The following ACADM variants were observed in gnomAD, a reference collection of about 807,000 sequenced individuals.
ACADM encodes the protein medium-chain specific acyl-CoA dehydrogenase, mitochondrial.
A neutral mutation model predicts 58.9 loss-of-function variants in ACADM; 49 were observed. That is an observed-to-expected ratio of 0.83 (90% CI 0.66 to 1.06). ACADM has a LOEUF of 1.06. Among genes scored for constraint, ACADM ranks in the 50% least tolerant of loss-of-function variants. ACADM has a pLI of 0.00. For synonymous variants in ACADM, 160 were observed against 157.7 expected, an observed-to-expected ratio of 1.01 and a Z score of -0.11; for missense variants, 496 against 507.0, an observed-to-expected ratio of 0.98 and a Z score of 0.21.
At chr1:75,731,118 CA>C (rs910972306) in intron 2 of ACADM, among the ~76,000 whole-genome samples, 50 of 143,468 alleles carry the variant, frequency 3.5e-4, no homozygotes, top group Admixed American at 4.2e-4. Flanking sequence ...ACTAAAAATA[CA>C]AAAAAAAAAA....
rs561277641 is a variant in ACADM at position 75,740,592 on chromosome 1, T to C, written c.599+482T>C. On this transcript the variant is annotated intron_variant, in intron 7 of 11. Coordinates refer to ENST00000370841, the MANE Select transcript of ACADM (RefSeq NM_000016.6). ...AATTTTCTAATATATGGTCAAAAAA[T>C]ATGAAGTTCAACAAAGGATCAAAAA... Among the ~76,000 whole-genome samples the C allele has an allele frequency of 1.7e-4, 26 of 152,054 alleles. 1 individual carries two copies. The South Asian group carries it at 4.2e-3, about 24-fold the overall frequency.
chr1:75,733,652 A>G (rs1378574085), intron 5 of ACADM, 24 bp downstream of exon 5: 3 of 1,551,756 alleles, frequency 1.9e-6, no homozygotes, highest in Non-Finnish European at 2.7e-6. Flanking sequence ...AAAATTAACT[A>G]CCTAACTCAG....
At chr1:75,748,613 T>A (rs1023258796) in intron 8 of ACADM, among the ~76,000 whole-genome samples, 23 of 152,116 alleles carry the variant, frequency 1.5e-4, no homozygotes, top group Non-Finnish European at 3.4e-4. Context: ...AAGTGAAAAG[T>A]CAGACACAGA....
chr1:75,724,950 G>A (rs1647025103), intron 1 of ACADM, 133 bp downstream of exon 1: 4 of 863,012 alleles, frequency 4.6e-6, no homozygotes, highest in Non-Finnish European at 6.4e-6. Context: ...CAGCCTAGGG[G>A]CCCCCAACCT....
intron 11 of ACADM, 131 bp downstream of exon 11, chr1:75,761,501 C>A: frequency 1.0e-6 from 1 of 961,066 alleles, no homozygotes; most frequent in South Asian, 1.4e-5. Context: ...GGCTGTGAGC[C>A]AGTTTTTGGA....
At chr1:75,744,321 C>T in intron 7 of ACADM, 1 of 1,613,330 alleles carries the variant, frequency 6.2e-7, no homozygotes, top group Non-Finnish European at 8.5e-7. Context: ...CCGGCTTGGC[C>T]TTAGCAGGAG....
At chr1:75,735,409 A>G (rs1647230133) in intron 6 of ACADM, among the ~76,000 whole-genome samples, 1 of 151,908 alleles carries the variant, frequency 6.6e-6, no homozygotes, top group Non-Finnish European at 1.5e-5. Context: ...TTGGGATGTC[A>G]AAAAGTGTCA....
At chr1:75,743,312 A>G (rs1647689911) in intron 7 of ACADM, 2 of 1,289,024 alleles carry the variant, frequency 1.6e-6, no homozygotes. Context: ...GCTTGAGGCC[A>G]ACAGCATGTG....
chr1:75,731,335 C>T (rs190212171), intron 2 of ACADM, among the ~76,000 whole-genome samples: 13 of 149,612 alleles, frequency 8.7e-5, no homozygotes, highest in South Asian at 4.3e-4. Context: ...TTCAATTCAG[C>T]ACCAGAATTC....
At position 75,754,215 on chromosome 1, in the gene ACADM, T is replaced by G. The variant is rs569088030; in HGVS notation, c.945+3669T>G. 2.5e-3 allele frequency among the ~76,000 whole-genome samples: 380 copies of G among 150,186 alleles called. 3 individuals are homozygous for G. The highest frequency in any genetic ancestry group is 8.9e-3 in the African/African-American group (363 of 40,984). On this transcript the variant is annotated intron_variant, in intron 10 of 11. Coordinates refer to ENST00000370841, the MANE Select transcript of ACADM (RefSeq NM_000016.6). ...TTTGAAACTTCAGTTTTTTGTTTTT[T>G]TTTTTTTTTTGAGACGGAGTCTTAC...
chr1:75,732,693 C>T lies in ACADM; in HGVS notation c.168C>T (p.Ala56=). Residue 56 remains alanine, a synonymous_variant, in exon 3 of 12, where the codon GCC becomes GCT. Coordinates refer to ENST00000370841, the MANE Select transcript of ACADM (RefSeq NM_000016.6). ...TTCAAGCTACTGCTCGTAAATTTGCCAGAGAGGAAATCATCCCAGTGGCTG... is the reference window on the plus strand; with the variant it reads ...TTCAAGCTACTGCTCGTAAATTTGCTAGAGAGGAAATCATCCCAGTGGCTG... ...KEFQATARKF[A]REEIIPVAAE... is the part of the protein sequence containing the mutation. 9 of 1,614,014 alleles carry T rather than the reference C, an allele frequency of 5.6e-6. No individual in the cohort carries two copies. Among genetic ancestry groups the T allele is most frequent in the Non-Finnish European group, 7.6e-6 (9 of 1,179,972 alleles).
chr1:75,755,958 A>G (rs1186256241), intron 10 of ACADM, among the ~76,000 whole-genome samples: 1 of 152,208 alleles, frequency 6.6e-6, no homozygotes, highest in African/African-American at 2.4e-5. Context: ...ATACAGAACC[A>G]ACGACAAAAA....
chr1:75,756,959 G>A (rs1694422), intron 10 of ACADM, among the ~76,000 whole-genome samples: 141,476 of 152,234 alleles, frequency 0.93, 65,988 homozygotes, highest in African/African-American at 0.98. Flanking sequence ...AGAAATGGGG[G>A]AAGGATTCCC....
At position 75,730,543 on chromosome 1, in the gene ACADM, CTTTTTTTT is replaced by C. The variant is rs34314755; in HGVS notation, c.118+2062_118+2069del. Among the ~76,000 whole-genome samples, 23 of 141,678 alleles carry C rather than the reference CTTTTTTTT, an allele frequency of 1.6e-4. No individual in the cohort carries two copies. The East Asian group carries it at 2.7e-3, about 16-fold the overall frequency. The allele number at this position is 141,678 out of a possible 152,430, so 92.9% of individuals were successfully genotyped here. A position where few individuals can be genotyped will look rare whatever the true frequency, so the allele number is the denominator to read the frequency against. On this transcript the variant is annotated intron_variant, in intron 2 of 11. Transcript: ENST00000370841. ...ACATAATACATACTTGTCATTTTTC[CTTTTTTTT>C]TTTTTTAAGAGACAGGGTTTCACTC...
chr1:75,738,451 A>T (rs551970559), intron 6 of ACADM, among the ~76,000 whole-genome samples: 1 of 151,314 alleles, frequency 6.6e-6, no homozygotes, highest in Non-Finnish European at 1.5e-5. Flanking sequence ...CGAACTCCTA[A>T]CCTCAGGTGA....
intron 2 of ACADM, among the ~76,000 whole-genome samples, chr1:75,730,691 A>T (rs547089925): frequency 6.2e-4 from 94 of 151,824 alleles, no homozygotes; most frequent in African/African-American, 2.2e-3. Context: ...CTGATTTTTT[A>T]AATTTTTAAA....
chr1:75,726,568 G>C (rs894999638), intron 1 of ACADM, among the ~76,000 whole-genome samples: 23 of 152,112 alleles, frequency 1.5e-4, no homozygotes, highest in African/African-American at 5.3e-4. Context: ...AATAGCATGC[G>C]CTCTTGATAG....
At chr1:75,756,910 T>C (rs1332807268) in intron 10 of ACADM, among the ~76,000 whole-genome samples, 2 of 152,158 alleles carry the variant, frequency 1.3e-5, no homozygotes, top group Non-Finnish European at 2.9e-5. Context: ...ATACCACATG[T>C]CTACAACCAT....
Position 75,749,447 on chromosome 1 carries a change from A to T in ACADM, c.737A>T (p.Asp246Val). The change falls in exon 9 of 12, where the codon GAT (aspartate) becomes GTT (valine). Residue 246 changes from aspartate to valine, a missense_variant. By Grantham distance (152) the Asp-to-Val change is radical. Coordinates refer to ENST00000370841, the MANE Select transcript of ACADM (RefSeq NM_000016.6). ...KELNMGQRCSDTRGIVFEDVK... is the reference protein window; with the variant it reads ...KELNMGQRCSVTRGIVFEDVK... ...TTAAACATGGGCCAGCGATGTTCAG[A>T]TACTAGAGGAATTGTCTTCGAAGAT... 1.2e-6 allele frequency: 2 copies of T among 1,614,092 alleles called. No homozygotes were observed. Among genetic ancestry groups the T allele is most frequent in the South Asian group, 1.1e-5 (1 of 91,084 alleles).
Sources: gnomAD v4.1 joint callset for allele counts (sites outside exome capture counted in the v4.1 genomes callset) on GRCh38, gnomAD v4.1.1 for gene constraint, MANE v1.5 for transcripts, NCBI Gene and HGNC (gene_info 2026-07-23, HGNC 2026-07-21) for gene names.